Variants in KIF13A observed in about 807,000 individuals in gnomAD.
KIF13A encodes kinesin-like protein KIF13A.
In KIF13A, 79 loss-of-function variants were observed where a neutral mutation model predicts 212.2. The observed-to-expected ratio is 0.37, with a 90% confidence interval of 0.31 to 0.45. The LOEUF (loss-of-function observed/expected upper bound fraction) is 0.45. Ranked by LOEUF, KIF13A falls within the 20% of genes least tolerant of loss-of-function variation. KIF13A has a pLI of 1.00. For missense variants in KIF13A, 1,901 were observed against 2,209.0 expected (o/e 0.86, Z 2.79); for synonymous variants, 789 against 808.6 (o/e 0.98, Z 0.41).
chr6:17,891,340 G>A (rs1462628173), intron 3 of KIF13A, among the ~76,000 whole-genome samples: 1 of 152,128 alleles, frequency 6.6e-6, no homozygotes, highest in Admixed American at 6.5e-5. Flanking sequence ...TATAAAGACA[G>A]AAACTTATGT....
At chr6:17,800,173 C>T (rs980427568) in intron 20 of KIF13A, 60 bp from the exon 21 acceptor site, 8 of 1,525,958 alleles carry the variant, frequency 5.2e-6, no homozygotes, top group Non-Finnish European at 7.1e-6. Flanking sequence ...AACCTCGACC[C>T]AAGACAGACG....
chr6:17,917,892 A>C (rs1774685675), intron 2 of KIF13A, among the ~76,000 whole-genome samples: 1 of 152,022 alleles, frequency 6.6e-6, no homozygotes, highest in African/African-American at 2.4e-5. Flanking sequence ...CCACCCTCCA[A>C]GAATTCATAA....
Position 17,764,793 on chromosome 6 carries a change from A to G in KIF13A, c.4735T>C (p.Ser1579Pro). 1 of 1,613,356 alleles carries G rather than the reference A, an allele frequency of 6.2e-7. No individual in the cohort carries two copies. The highest frequency in any genetic ancestry group is 8.5e-7 in the Non-Finnish European group (1 of 1,179,634). ...GACACTTCTTTCTCCAAGACCCGTG[A>G]GTTTGACAGATCTACTTTAGAGGAA... ...WFSSKVDLSNSRVLEKEVSRS... is the reference protein window; with the variant it reads ...WFSSKVDLSNPRVLEKEVSRS... The change falls in exon 39 of 39, where the codon TCA becomes CCA. Residue 1579 changes from serine (S) to proline (P), a missense_variant. By Grantham distance (74) the Ser-to-Pro change is moderately conservative (BLOSUM62 -1). Transcript: ENST00000259711. The surrounding 1 kb of genome is among the most constrained non-coding windows in gnomAD (Gnocchi z 5.1).
At chr6:17,916,098 T>C in intron 2 of KIF13A, among the ~76,000 whole-genome samples, 1 of 152,184 alleles carries the variant, frequency 6.6e-6, no homozygotes, top group East Asian at 1.9e-4. Flanking sequence ...CAAATGAGTC[T>C]CTGCCAATGA....
At chr6:17,931,019 T>C (rs1775939973) in intron 2 of KIF13A, among the ~76,000 whole-genome samples, 1 of 152,248 alleles carries the variant, frequency 6.6e-6, no homozygotes, top group Non-Finnish European at 1.5e-5. Context: ...CACACATATA[T>C]GCATAATATC....
chr6:17,969,540 T>C (rs1352348476), intron 2 of KIF13A, among the ~76,000 whole-genome samples: 3 of 152,232 alleles, frequency 2.0e-5, no homozygotes, highest in Non-Finnish European at 4.4e-5. Flanking sequence ...TGTTCAATAA[T>C]ATTAGGTTTC....
Position 17,856,304 on chromosome 6 carries a change from A to T in KIF13A, c.221-182T>A, listed in dbSNP as rs1349296985. Among the ~76,000 whole-genome samples the T allele has an allele frequency of 6.6e-6, 1 of 152,184 alleles. No homozygotes were observed. The highest frequency in any genetic ancestry group is 1.5e-5 in the Non-Finnish European group (1 of 68,036). ...GCAATTTCATCCACACTTCTAAACT[A>T]CAGCTCAGTACCTGGATACACTGTT... On this transcript the variant is annotated intron_variant, in intron 4 of 38. Transcript: ENST00000259711. The surrounding 1 kb of genome is among the most constrained non-coding windows in gnomAD (Gnocchi z 4.5).
At chr6:17,821,552 G>GGTGTGTGTGTGTGT (rs111387037) in intron 16 of KIF13A, among the ~76,000 whole-genome samples, 1,789 of 112,050 alleles carry the variant, frequency 0.016, 95 homozygotes, top group African/African-American at 0.044. Context: ...ATTGGGACAT[G>GGTGTGTGTGTGTGT]GTGTGTGTGT....
rs1779506040 is a variant in KIF13A, at chr6:17,968,359, C to T, written c.146+18695G>A. The stretch of plus-strand genomic sequence containing the variant: ...TACCTCTCCTTTCTCTCAATTCTTT[C>T]ACTCCAGTCCTCTCTCCCTATGACA... On this transcript the variant is annotated intron_variant, in intron 2 of 38. Coordinates refer to ENST00000259711, the MANE Select transcript of KIF13A (RefSeq NM_022113.6). This position sits in a 1 kb window ranked among gnomAD's most constrained non-coding sequence, Gnocchi z 4.7. 6.6e-6 allele frequency among the ~76,000 whole-genome samples: 1 copy of T among 152,216 alleles called. No individual in the cohort carries two copies. The highest frequency in any genetic ancestry group is 2.4e-5 in the African/African-American group (1 of 41,446).
At chr6:17,852,935 GT>G (rs1767797655) in intron 6 of KIF13A, among the ~76,000 whole-genome samples, 1 of 152,104 alleles carries the variant, frequency 6.6e-6, no homozygotes, top group Admixed American at 6.6e-5. Context: ...GATAAACCTG[GT>G]TTGGAACCCA....
At position 17,919,626 on chromosome 6, in the gene KIF13A, C is replaced by T. The variant is rs966526; in HGVS notation, c.147-21446G>A. 0.061 allele frequency among the ~76,000 whole-genome samples: 9,317 copies of T among 152,214 alleles called. 973 individuals carry two copies. The highest frequency in any genetic ancestry group is 0.21 in the African/African-American group (8,819 of 41,488). ...CTAATGCACTCAGTGGCTGCTTTAC[C>T]TACCCTGATTTGACCTGTTCTATTA... On this transcript the variant is annotated intron_variant, in intron 2 of 38. Transcript: ENST00000259711. This position sits in a 1 kb window ranked among gnomAD's most constrained non-coding sequence, Gnocchi z 4.1.
At chr6:17,810,573 A>G (rs1373760221) in intron 17 of KIF13A, among the ~76,000 whole-genome samples, 1 of 152,218 alleles carries the variant, frequency 6.6e-6, no homozygotes, top group Non-Finnish European at 1.5e-5. Flanking sequence ...CAAGTGCATT[A>G]CATTTATTGT....
chr6:17,849,888 T>C lies in KIF13A; in HGVS notation c.718-399A>G, dbSNP rs1767460336. Among the ~76,000 whole-genome samples, 1 of 152,244 alleles carries C rather than the reference T, an allele frequency of 6.6e-6. No individual in the cohort carries two copies. The highest frequency in any genetic ancestry group is 1.5e-5 in the Non-Finnish European group (1 of 68,044). On this transcript the variant is annotated intron_variant, in intron 8 of 38. Coordinates refer to ENST00000259711, the MANE Select transcript of KIF13A (RefSeq NM_022113.6). The surrounding 1 kb of genome is among the most constrained non-coding windows in gnomAD (Gnocchi z 5.7). ...TAATATCCCTCAATGGCTATGAAGC[T>C]GACATGTTTCCATGGGAATTTCAGC...
intron 22 of KIF13A, among the ~76,000 whole-genome samples, chr6:17,797,100 G>A (rs777203949): frequency 6.0e-5 from 9 of 150,794 alleles, no homozygotes; most frequent in Non-Finnish European, 1.2e-4. Flanking sequence ...TGCGATCTCC[G>A]CTCACTACAA....
At position 17,825,823 on chromosome 6, in the gene KIF13A, G is replaced by A. The variant is rs768998323; in HGVS notation, c.1731C>T (p.Asp577=). The A allele has an allele frequency of 1.9e-6, 3 of 1,613,870 alleles. No individual in the cohort carries two copies. Among genetic ancestry groups the A allele is most frequent in the Non-Finnish European group, 2.5e-6 (3 of 1,179,874 alleles). ...CCATCTGTGCAAATTCATAGTTATA[G>A]TCTGGTTCAGAGGAAGCCTCACTGG... ...DAASEASSEP[D]YNYEFAQMEV... The change falls in exon 16 of 39, where the codon GAC becomes GAT. Residue 577 remains aspartate (D), a synonymous_variant. Coordinates refer to ENST00000259711, the MANE Select transcript of KIF13A (RefSeq NM_022113.6). This position sits in a 1 kb window ranked among gnomAD's most constrained non-coding sequence, Gnocchi z 4.5.
At chr6:17,846,601 C>CT (rs1767090891) in intron 9 of KIF13A, among the ~76,000 whole-genome samples, 1 of 25,812 alleles carries the variant, frequency 3.9e-5, no homozygotes, top group Non-Finnish European at 6.6e-5. Flanking sequence ...GACCCCATTT[C>CT]TTTAAAAAAA....
intron 17 of KIF13A, among the ~76,000 whole-genome samples, chr6:17,810,762 T>C (rs1763364170): frequency 6.6e-6 from 1 of 152,152 alleles, no homozygotes. Flanking sequence ...ACATGCAACC[T>C]AGATCTCTCG....
chr6:17,942,665 T>C (rs1008360273), intron 2 of KIF13A, among the ~76,000 whole-genome samples: 1 of 152,158 alleles, frequency 6.6e-6, no homozygotes, highest in Non-Finnish European at 1.5e-5. Flanking sequence ...CAGGCTTGGC[T>C]AGCTGGACAA....
chr6:17,811,468 A>C lies in KIF13A; in HGVS notation c.2001-2538T>G, dbSNP rs1763417802. On this transcript the variant is annotated intron_variant, in intron 17 of 38. Transcript: ENST00000259711. The surrounding 1 kb of genome is among the most constrained non-coding windows in gnomAD (Gnocchi z 6.0). ...CTATTGTTGAATGAAACTGTTCTTT[A>C]ATTTTCTATGACTTAATTTTTCCAC... Among the ~76,000 whole-genome samples the C allele has an allele frequency of 1.3e-5, 2 of 152,168 alleles. No individual in the cohort carries two copies. Among genetic ancestry groups the C allele is most frequent in the Non-Finnish European group, 2.9e-5 (2 of 68,028 alleles).
Sources: allele counts gnomAD v4.1 joint callset (sites outside exome capture counted in the v4.1 genomes callset), GRCh38; gene constraint gnomAD v4.1.1; non-coding constraint Gnocchi (gnomAD v3.1); transcripts MANE v1.5; gene names NCBI Gene and HGNC (gene_info 2026-07-23, HGNC 2026-07-21).